CDCA7L: variants seen among roughly 807,000 people sequenced by gnomAD.
CDCA7L encodes cell division cycle associated 7 like, also known as cell division cycle-associated 7-like protein.
A neutral mutation model predicts 57.4 loss-of-function variants in CDCA7L; 44 were observed. The ratio of observed to expected loss-of-function variants is 0.77; its 90% CI spans 0.60 to 0.98. The LOEUF is 0.98. CDCA7L is among the 50% of genes least tolerant of loss of function. CDCA7L has a pLI of 0.00. For missense variants in CDCA7L, 644 were observed against 580.6 expected, an observed-to-expected ratio of 1.11 and a Z score of -1.12; for synonymous variants, 236 against 202.8, an observed-to-expected ratio of 1.16 and a Z score of -1.39.
chr7:21,942,155 G>A (rs1431040370), intron 1 of CDCA7L, among the ~76,000 whole-genome samples: 2 of 152,180 alleles, frequency 1.3e-5, no homozygotes, highest in Non-Finnish European at 2.9e-5. Flanking sequence ...TCTATCCTCA[G>A]CTGATGATCA....
intron 1 of CDCA7L, among the ~76,000 whole-genome samples, chr7:21,942,594 T>G (rs1411166969): frequency 6.6e-6 from 1 of 152,254 alleles, no homozygotes; most frequent in Non-Finnish European, 1.5e-5. Context: ...GCTTATTCTA[T>G]TCCAATGATG....
chr7:21,901,918 T>C lies in CDCA7L; in HGVS notation c.*404A>G. On this transcript the variant is annotated 3_prime_UTR_variant, in exon 10 of 10. Coordinates refer to ENST00000406877, the MANE Select transcript of CDCA7L (RefSeq NM_018719.5). ...GTGTGGTCTATTAAACTGTGGTCAC[T>C]CGTGCTAAGGCACACTTGGCCTGGA... The C allele has an allele frequency of 4.4e-6, 1 of 225,504 alleles. No homozygotes were observed. Among genetic ancestry groups the C allele is most frequent in the Non-Finnish European group, 8.9e-6 (1 of 112,874 alleles). 14.0% of individuals were successfully genotyped at this position (225,504 alleles called of 1,614,324 possible).
At chr7:21,928,133 CT>C (rs1315505947) in intron 1 of CDCA7L, among the ~76,000 whole-genome samples, 1 of 152,196 alleles carries the variant, frequency 6.6e-6, no homozygotes, top group African/African-American at 2.4e-5. Context: ...GGCAGCAATC[CT>C]TTGCTGTTCT....
chr7:21,924,476 C>T (rs914532951), intron 1 of CDCA7L, among the ~76,000 whole-genome samples: 1 of 152,184 alleles, frequency 6.6e-6, no homozygotes, highest in African/African-American at 2.4e-5. Flanking sequence ...GCATTCCTTC[C>T]TCTTTAACAC....
In CDCA7L at chr7:21,945,814, C is replaced by A. The variant is rs768054692; in HGVS notation, c.-10G>T. The A allele has an allele frequency of 6.3e-7, 1 of 1,598,888 alleles. No homozygotes were observed. Among genetic ancestry groups the A allele is most frequent in the African/African-American group, 1.4e-5 (1 of 72,908 alleles). ...GAGTCGCCAACTCCATTCTTCCTAA[C>A]CGGGCTCCAGTCTCCTCCCAGCACG... On this transcript the variant is annotated 5_prime_UTR_variant, in exon 1 of 10. Coordinates refer to ENST00000406877, the MANE Select transcript of CDCA7L (RefSeq NM_018719.5).
chr7:21,913,104 G>A (rs561269625), intron 2 of CDCA7L, among the ~76,000 whole-genome samples: 3 of 152,160 alleles, frequency 2.0e-5, no homozygotes, highest in Admixed American at 2.0e-4. Context: ...CTACCCCACT[G>A]CGTTTCCCCG....
intron 1 of CDCA7L, among the ~76,000 whole-genome samples, chr7:21,945,225 C>A (rs1324888714): frequency 1.3e-5 from 2 of 152,156 alleles, no homozygotes; most frequent in African/African-American, 4.8e-5. Context: ...TTGTTTAACT[C>A]GGCCCAATGA....
intron 1 of CDCA7L, chr7:21,940,223 T>C (rs1247084487): frequency 1.7e-6 from 1 of 575,116 alleles, no homozygotes; most frequent in Non-Finnish European, 2.2e-6. Context: ...TAGCCTTGAC[T>C]GTTTCAGGGC....
At chr7:21,910,226 C>T (rs1785273075) in intron 3 of CDCA7L, among the ~76,000 whole-genome samples, 1 of 152,124 alleles carries the variant, frequency 6.6e-6, no homozygotes, top group East Asian at 1.9e-4. Context: ...CTGATGATGC[C>T]CATTAGGGTT....
At chr7:21,911,122 C>T (rs1370958158) in intron 3 of CDCA7L, among the ~76,000 whole-genome samples, 1 of 140,396 alleles carries the variant, frequency 7.1e-6, no homozygotes, top group South Asian at 2.3e-4. Flanking sequence ...CTCTGCCTCC[C>T]GGCTTCAAGA....
rs1230075103 is a variant in CDCA7L, at chr7:21,908,268, T to C, written c.543A>G (p.Glu181=). The C allele has an allele frequency of 1.2e-6, 2 of 1,613,588 alleles. No individual in the cohort carries two copies. The highest frequency in any genetic ancestry group is 2.2e-5 in the South Asian group (2 of 91,004). ...TCACCTGTCTACAGTCTTTCTTTCT[T>C]TCAAGAATTGTTTTTTTCTCATTCT... ...RLQNEKKTIL[E]RKKDCRQVIQ... is the part of the protein sequence containing the mutation. The change falls in exon 4 of 10, where the codon GAA becomes GAG. Residue 181 remains glutamate, a synonymous_variant. Transcript: ENST00000406877.
At chr7:21,945,672 G>T in intron 1 of CDCA7L, 109 bp downstream of exon 1, 1 of 1,401,834 alleles carries the variant, frequency 7.1e-7, no homozygotes, top group Non-Finnish European at 9.9e-7. Context: ...CAGATCCCCA[G>T]TGCCGCAGCC....
Position 21,908,427 on chromosome 7 carries a change from A to G in CDCA7L, c.384T>C (p.Ala128=), listed in dbSNP as rs975330798. Residue 128 remains alanine (A), a synonymous_variant, in exon 4 of 10, where the codon GCT becomes GCC. Transcript: ENST00000406877. Reference sequence around the variant, plus strand: ...TTCTAGACCTGCTTCTTCTAGGGGTAGCCTTATCTTCTTCTTCATCTTCCT... The same window carrying G: ...TTCTAGACCTGCTTCTTCTAGGGGTGGCCTTATCTTCTTCTTCATCTTCCT... ...EEEEDEEEDK[A]TPRRSRSRRS... is the part of the protein sequence containing the mutation. The G allele has an allele frequency of 2.5e-5, 40 of 1,582,800 alleles. No individual in the cohort carries two copies. The highest frequency in any genetic ancestry group is 3.1e-5 in the Non-Finnish European group (36 of 1,170,690).
At chr7:21,910,804 G>C in intron 3 of CDCA7L, among the ~76,000 whole-genome samples, 1 of 152,056 alleles carries the variant, frequency 6.6e-6, no homozygotes, top group East Asian at 1.9e-4. Context: ...AGGCAGGCCT[G>C]GGTCATCTTT....
chr7:21,931,657 C>T (rs541379897), intron 1 of CDCA7L, among the ~76,000 whole-genome samples: 6 of 152,266 alleles, frequency 3.9e-5, no homozygotes, highest in South Asian at 2.1e-4. Context: ...TATGACAAAC[C>T]CACAGCCAAT....
In CDCA7L at chr7:21,901,194, G is replaced by A; in HGVS notation, c.*1128C>T. On this transcript the variant is annotated 3_prime_UTR_variant, in exon 10 of 10. Coordinates refer to ENST00000406877, the MANE Select transcript of CDCA7L (RefSeq NM_018719.5). The stretch of plus-strand genomic sequence containing the variant: ...GCTACATCTGGACCTTCAGGCTGAA[G>A]AGCGAAGAGAAGACTGCAAAATGGG... 2 of 1,613,652 alleles carry A rather than the reference G, an allele frequency of 1.2e-6. No individual in the cohort carries two copies. The highest frequency in any genetic ancestry group is 1.3e-5 in the African/African-American group (1 of 74,988).
At chr7:21,924,930 T>C (rs1337376220) in intron 1 of CDCA7L, among the ~76,000 whole-genome samples, 2 of 152,244 alleles carry the variant, frequency 1.3e-5, no homozygotes, top group East Asian at 3.9e-4. Context: ...AGTTAAATGG[T>C]AAACAAGCAC....
intron 1 of CDCA7L, among the ~76,000 whole-genome samples, chr7:21,930,493 G>A (rs1018538796): frequency 2.6e-5 from 4 of 151,930 alleles, no homozygotes; most frequent in African/African-American, 7.2e-5. Context: ...TCAGGAGTTC[G>A]AGACCAGCCT....
At chr7:21,920,489 C>T (rs377465707) in intron 1 of CDCA7L, among the ~76,000 whole-genome samples, 1 of 152,164 alleles carries the variant, frequency 6.6e-6, no homozygotes, top group Non-Finnish European at 1.5e-5. Flanking sequence ...AACATAAATA[C>T]AGAAATGGGA....
Sources: gnomAD v4.1 joint callset for allele counts (sites outside exome capture counted in the v4.1 genomes callset) on GRCh38, gnomAD v4.1.1 for gene constraint, MANE v1.5 for transcripts, NCBI Gene and HGNC (gene_info 2026-07-23, HGNC 2026-07-21) for gene names.